The following COG2 variants were observed in gnomAD, a reference collection of about 807,000 sequenced individuals.
COG2 encodes conserved oligomeric Golgi complex subunit 2.
A neutral mutation model predicts 90.6 loss-of-function variants in COG2; 52 were observed. That is an observed-to-expected ratio of 0.57 (90% CI 0.46 to 0.72). The LOEUF (loss-of-function observed/expected upper bound fraction) is 0.72, where lower values mean the gene tolerates loss of function less well. Ranked by LOEUF, COG2 falls within the 30% of genes least tolerant of loss-of-function variation. The pLI is 0.00. For missense variants in COG2, 829 were observed against 891.2 expected, an observed-to-expected ratio of 0.93 and a Z score of 0.89; for synonymous variants, 337 against 320.4, an observed-to-expected ratio of 1.05 and a Z score of -0.55.
At chr1:230,663,307 A>G (rs1662236825) in intron 4 of COG2, 86 bp downstream of exon 4, 2 of 908,350 alleles carry the variant, frequency 2.2e-6, no homozygotes, top group Non-Finnish European at 1.7e-6. Flanking sequence ...GGTCTGATTT[A>G]CTCTTCTTGA....
chr1:230,659,424 TC>T (rs1662133331), intron 1 of COG2, 39 bp from the exon 2 acceptor site: 5 of 1,487,896 alleles, frequency 3.4e-6, no homozygotes, highest in Non-Finnish European at 4.7e-6. Context: ...CACTGTGATA[TC>T]ATTGCTATAA....
At chr1:230,645,084 A>AT (rs1365530958) in intron 1 of COG2, among the ~76,000 whole-genome samples, 1 of 151,980 alleles carries the variant, frequency 6.6e-6, no homozygotes, top group Non-Finnish European at 1.5e-5. Context: ...AATATTGAAA[A>AT]ATTAGCCAGG....
chr1:230,690,225 A>C, intron 16 of COG2, 72 bp downstream of exon 16: 3 of 1,356,276 alleles, frequency 2.2e-6, no homozygotes, highest in Non-Finnish European at 3.1e-6. Flanking sequence ...CAAGGCAATC[A>C]AGCACTGCGT....
At chr1:230,669,569 C>T in intron 7 of COG2, 34 bp downstream of exon 7, 1 of 1,585,626 alleles carries the variant, frequency 6.3e-7, no homozygotes. Flanking sequence ...CATTCATGAG[C>T]TTCTGTTCTG....
chr1:230,655,791 A>G (rs534125228), intron 1 of COG2, among the ~76,000 whole-genome samples: 6 of 152,326 alleles, frequency 3.9e-5, no homozygotes, highest in Non-Finnish European at 8.8e-5. Context: ...TTATTGGTCT[A>G]TTCAGGGATT....
At chr1:230,690,689 A>G (rs575792484) in intron 16 of COG2, among the ~76,000 whole-genome samples, 34 of 152,300 alleles carry the variant, frequency 2.2e-4, no homozygotes, top group African/African-American at 7.7e-4. Context: ...GTGTTACTCA[A>G]TTTTGTTACC....
chr1:230,671,348 T>G, intron 7 of COG2, 168 bp from the exon 8 acceptor site: 1 of 543,690 alleles, frequency 1.8e-6, no homozygotes, highest in Non-Finnish European at 3.2e-6. Context: ...AGGAAGTAGT[T>G]TTGAATGTGA....
At chr1:230,678,191 C>T (rs886722658) in intron 9 of COG2, 13 of 985,248 alleles carry the variant, frequency 1.3e-5, no homozygotes, top group Admixed American at 1.2e-4. Flanking sequence ...AACATGCAGC[C>T]GCAGTTTTGG....
rs188025295 is a variant in COG2, at chr1:230,650,869, T to G, written c.72+8191T>G. 2.1e-3 allele frequency among the ~76,000 whole-genome samples: 324 copies of G among 152,308 alleles called. 2 individuals are homozygous for G. Among genetic ancestry groups the G allele is most frequent in the African/African-American group, 7.6e-3 (316 of 41,564 alleles). On this transcript the variant is annotated intron_variant, in intron 1 of 17. Transcript: ENST00000366669. ...TTTTTAATCCATCTTGACTTAATTT[T>G]TATATATGGTGAGAAATAGGGGTCC...
chr1:230,691,779 G>A (rs139767151), intron 17 of COG2: 36 of 492,844 alleles, frequency 7.3e-5, no homozygotes, highest in East Asian at 7.1e-4. Context: ...GTCTGGTGGC[G>A]TGCTCTCTGG....
At chr1:230,693,052 T>C (rs1041517054) in intron 17 of COG2, among the ~76,000 whole-genome samples, 1 of 152,124 alleles carries the variant, frequency 6.6e-6, no homozygotes, top group Non-Finnish European at 1.5e-5. Flanking sequence ...TTTTATTCTG[T>C]CTGATTTGAT....
At chr1:230,678,392 C>T (rs868556256) in intron 9 of COG2, 110 of 985,188 alleles carry the variant, frequency 1.1e-4, no homozygotes, top group Non-Finnish European at 1.2e-4. Flanking sequence ...CACAGTGTGT[C>T]GATGATAAAT....
intron 1 of COG2, among the ~76,000 whole-genome samples, chr1:230,651,832 T>A (rs558757621): frequency 2.9e-4 from 44 of 152,312 alleles, no homozygotes; most frequent in African/African-American, 9.9e-4. Context: ...AAAAAGTTTA[T>A]CTACCTTAGT....
chr1:230,656,136 C>T (rs540388184), intron 1 of COG2, among the ~76,000 whole-genome samples: 36 of 151,796 alleles, frequency 2.4e-4, no homozygotes, highest in African/African-American at 6.0e-4. Flanking sequence ...AGTTATTTCT[C>T]GTCTTCTGCT....
intron 9 of COG2, chr1:230,678,106 A>G (rs1311271019): frequency 1.0e-6 from 1 of 985,302 alleles, no homozygotes; most frequent in Non-Finnish European, 1.2e-6. Context: ...AGCCCCTTTT[A>G]ATTGAGAAGA....
Position 230,690,100 on chromosome 1 carries a change from A to G in COG2, c.1881A>G (p.Lys627=). Reference sequence around the variant, plus strand: ...AGAGCGGACACAAGGATAAGCTCAAACAAGCAATAATTCAGCAGTGGCTAG... The same window carrying G: ...AGAGCGGACACAAGGATAAGCTCAAGCAAGCAATAATTCAGCAGTGGCTAG... ...QLQSGHKDKL[K]QAIIQQWLEG... Residue 627 remains lysine, a synonymous_variant, in exon 16 of 18, where the codon AAA becomes AAG. Coordinates refer to ENST00000366669, the MANE Select transcript of COG2 (RefSeq NM_007357.3). 6.2e-7 allele frequency: 1 copy of G among 1,613,732 alleles called. No individual in the cohort carries two copies. The highest frequency in any genetic ancestry group is 8.5e-7 in the Non-Finnish European group (1 of 1,179,838).
chr1:230,670,639 CAG>C (rs921811409), intron 7 of COG2: 127 of 152,134 alleles, frequency 8.3e-4, no homozygotes, highest in African/African-American at 2.8e-3. Flanking sequence ...CTTTGGGGGA[CAG>C]GGTCTCACTC....
At chr1:230,665,306 A>G (rs1408559269) in intron 5 of COG2, among the ~76,000 whole-genome samples, 1 of 152,192 alleles carries the variant, frequency 6.6e-6, no homozygotes, top group East Asian at 1.9e-4. Context: ...TAGGAACTCC[A>G]CTTGCAGGAT....
rs377544884 is a variant in COG2, at chr1:230,666,722, T to C, written c.486-1954T>C. ...TGTACTAAAAGCCCTTCCTTTAACT[T>C]CCACCTCCCTTTCACCTGCCCGATT... On this transcript the variant is annotated intron_variant, in intron 5 of 17. Transcript: ENST00000366669. Among the ~76,000 whole-genome samples, 159 of 152,274 alleles carry C rather than the reference T, an allele frequency of 1.0e-3. 1 individual carries two copies. Among genetic ancestry groups the C allele is most frequent in the Middle Eastern group, 6.8e-3 (2 of 294 alleles).
Sources: allele counts gnomAD v4.1 joint callset (sites outside exome capture counted in the v4.1 genomes callset), GRCh38; gene constraint gnomAD v4.1.1; transcripts MANE v1.5; gene names NCBI Gene and HGNC (gene_info 2026-07-23, HGNC 2026-07-21).